TTN: variants seen among roughly 807,000 people sequenced by gnomAD.
TTN encodes connectin.
TTN carries 1,525 observed loss-of-function variants against 3,223.0 expected under a neutral mutation model. That is an observed-to-expected ratio of 0.47 (90% CI 0.45 to 0.49). The LOEUF is 0.49. Ranked by LOEUF, TTN falls within the 20% of genes least tolerant of loss-of-function variation. TTN has a pLI of 0.00. For synonymous variants in TTN, 14,094 were observed against 15,161.0 expected (o/e 0.93, Z 5.17); for missense variants, 40,786 against 43,424.0 (o/e 0.94, Z 5.40).
At position 178,722,716 on chromosome 2, in the gene TTN, A is replaced by G; in HGVS notation, c.22183T>C (p.Cys7395Arg). The G allele has an allele frequency of 1.2e-6, 2 of 1,613,208 alleles. No individual in the cohort carries two copies. Among genetic ancestry groups the G allele is most frequent in the Non-Finnish European group, 8.5e-7 (1 of 1,179,482 alleles). Residue 7395 changes from cysteine (C) to arginine (R), a missense_variant, in exon 76 of 363, where the codon TGC becomes CGC. Coordinates refer to ENST00000589042, the MANE Select transcript of TTN (RefSeq NM_001267550.2). Reference protein sequence around the residue: ...VNINDSGEYTCKAENSIGTAS... With the variant: ...VNINDSGEYTRKAENSIGTAS... ...GTTCCTATACTATTTTCTGCTTTGC[A>G]TGTGTACTCTCCACTGTCATTGATG...
chr2:178,734,652 T>A (rs1166141559), intron 51 of TTN, 46 bp from the exon 52 acceptor site: 3 of 1,565,880 alleles, frequency 1.9e-6, no homozygotes, highest in Non-Finnish European at 2.6e-6. Flanking sequence ...TAATAAGTAA[T>A]TAAAAGGGAA....
At position 178,699,584 on chromosome 2, in the gene TTN, TG is replaced by T. The variant is rs370276329; in HGVS notation, c.30683-671del. ...CCGCCACCGCGCCCGGCTAATTTTT[TG>T]TATTTTTAGTAGAGACGGGGTTTCA... On this transcript the variant is annotated intron_variant, in intron 111 of 362. Coordinates refer to ENST00000589042, the MANE Select transcript of TTN (RefSeq NM_001267550.2). 4.8e-4 allele frequency among the ~76,000 whole-genome samples: 71 copies of T among 146,860 alleles called. 1 individual carries two copies. The South Asian group carries it at 0.016, about 33-fold the overall frequency.
intron 20 of TTN, 33 bp from the exon 21 acceptor site, chr2:178,781,296 T>C (rs1476613819): frequency 1.9e-6 from 3 of 1,612,116 alleles, no homozygotes; most frequent in African/African-American, 1.3e-5. Flanking sequence ...TAAAAATCAG[T>C]TATCAACAAC....
rs750715335 is a variant in TTN at position 178,608,216 on chromosome 2, C to T, written c.52667G>A (p.Ser17556Asn). Residue 17556 changes from serine (S) to asparagine (N), a missense_variant, in exon 275 of 363, where the codon AGT (serine) becomes AAT (asparagine). Physicochemically the swap from Ser to Asn is conservative, Grantham distance 46. Transcript: ENST00000589042. ...AENAAGPGKF[S>N]PPSDPKTAHD... ...TGCTGTTTTGGGATCTGAAGGTGGA[C>T]TGAACTTTCCAGGTCCAGCTGCATT... is the stretch of plus-strand genomic sequence containing the variant. 9.3e-6 allele frequency: 15 copies of T among 1,604,532 alleles called. No homozygotes were observed. The highest frequency in any genetic ancestry group is 1.2e-5 in the Non-Finnish European group (14 of 1,174,808).
At chr2:178,744,446 C>T (rs1426503041) in intron 47 of TTN, 2 of 922,178 alleles carry the variant, frequency 2.2e-6, no homozygotes, top group East Asian at 2.4e-4. Context: ...GACTTGGGTC[C>T]ACATTAGTAT....
rs1294040369 is a variant in TTN, at chr2:178,559,577, A to G, written c.86555T>C (p.Ile28852Thr). 2.5e-6 allele frequency: 4 copies of G among 1,613,738 alleles called. No individual in the cohort carries two copies. Among genetic ancestry groups the G allele is most frequent in the Non-Finnish European group, 2.5e-6 (3 of 1,179,782 alleles). The change falls in exon 326 of 363, where the codon ATT becomes ACT. Residue 28852 changes from isoleucine (I) to threonine (T), a missense_variant. Coordinates refer to ENST00000589042, the MANE Select transcript of TTN (RefSeq NM_001267550.2). ...CTCTTTGGTTACATCTTGCACAGTA[A>G]TGTTGGTTGGAGGACCTGGGGTATC... ...VLDTPGPPTN[I>T]TVQDVTKESA... is the part of the protein sequence containing the mutation.
In TTN at chr2:178,733,044, A is replaced by G; in HGVS notation, c.16132T>C (p.Cys5378Arg). 1 of 1,613,444 alleles carries G rather than the reference A, an allele frequency of 6.2e-7. No homozygotes were observed. Among genetic ancestry groups the G allele is most frequent in the Non-Finnish European group, 8.5e-7 (1 of 1,179,652 alleles). The change falls in exon 55 of 363, where the codon TGC becomes CGC. Residue 5378 changes from cysteine (C) to arginine (R), a missense_variant. Transcript: ENST00000589042. ...SVVNGTCRLD[C>R]KIAGSLPMRV... ...ATGGGGAGGGAGCCTGCAATTTTGC[A>G]GTCCAGTCTGCAGGTACCATTAACA...
At chr2:178,580,884 T>C (rs1043445020) in intron 316 of TTN, 4 of 348,858 alleles carry the variant, frequency 1.1e-5, no homozygotes, top group Non-Finnish European at 2.0e-5. Flanking sequence ...ATGCTACATA[T>C]ATTAAAAGGA....
In TTN at chr2:178,551,029, G is replaced by A. The variant is rs1299510786; in HGVS notation, c.91502C>T (p.Ala30501Val). 2 of 1,613,404 alleles carry A rather than the reference G, an allele frequency of 1.2e-6. No individual in the cohort carries two copies. Among genetic ancestry groups the A allele is most frequent in the East Asian group, 2.2e-5 (1 of 44,790 alleles). ...TGAGGGCGGGCTTATAGTTCCAACAGCATTTCTTGCAATTATTCTGAACTC... is the reference window on the plus strand; with the variant it reads ...TGAGGGCGGGCTTATAGTTCCAACAACATTTCTTGCAATTATTCTGAACTC... The part of the protein sequence containing the change: ...RYEFRIIARN[A>V]VGTISPPSQS... The change falls in exon 336 of 363, where the codon GCT becomes GTT. Residue 30501 changes from alanine to valine, a missense_variant. By Grantham distance (64) the Ala-to-Val change is moderately conservative (BLOSUM62 0). Coordinates refer to ENST00000589042, the MANE Select transcript of TTN (RefSeq NM_001267550.2).
chr2:178,735,473 A>C (rs746220657), intron 50 of TTN, 38 bp downstream of exon 50: 1 of 1,501,100 alleles, frequency 6.7e-7, no homozygotes, highest in Admixed American at 2.4e-5. Flanking sequence ...GATTCCTTGC[A>C]GAGAAGGGAC....
intron 217 of TTN, 33 bp from the exon 218 acceptor site, chr2:178,644,649 G>T: frequency 6.8e-7 from 1 of 1,469,882 alleles, no homozygotes; most frequent in Non-Finnish European, 9.1e-7. Flanking sequence ...TTTGTTATTT[G>T]TATATTTAAT....
chr2:178,605,320 C>T (rs2303833), intron 279 of TTN, 25 bp from the exon 280 acceptor site: 1 of 1,541,632 alleles, frequency 6.5e-7, no homozygotes, highest in Non-Finnish European at 8.7e-7. Context: ...GAAAGAAAAA[C>T]AGTAACAAAG....
In TTN at chr2:178,563,527, G is replaced by A. The variant is rs772246177; in HGVS notation, c.82605C>T (p.Thr27535=). The change falls in exon 326 of 363, where the codon ACC becomes ACT. Residue 27535 remains threonine, a synonymous_variant. Transcript: ENST00000589042. This position sits in a 1 kb window ranked among gnomAD's most constrained non-coding sequence, Gnocchi z 4.5. Reference sequence around the variant, plus strand: ...CTCTGAATTCATAGGAATGGCCTTCGGTAAGACCAGTTACCCTGAGCCGCA... The same window carrying A: ...CTCTGAATTCATAGGAATGGCCTTCAGTAAGACCAGTTACCCTGAGCCGCA... ...TDLRLRVTGL[T]EGHSYEFRVA... The A allele has an allele frequency of 1.2e-5, 19 of 1,613,578 alleles. No homozygotes were observed. Among genetic ancestry groups the A allele is most frequent in the Non-Finnish European group, 1.5e-5 (18 of 1,179,750 alleles).
chr2:178,778,077 A>G, intron 24 of TTN, 102 bp from the exon 25 acceptor site: 1 of 1,465,848 alleles, frequency 6.8e-7, no homozygotes, highest in Non-Finnish European at 9.2e-7. Context: ...TTTAGAATTT[A>G]CTTCTTGCAC....
At position 178,537,580 on chromosome 2, in the gene TTN, A is replaced by G; in HGVS notation, c.99627T>C (p.Ala33209=). Residue 33209 remains alanine (A), a synonymous_variant, in exon 355 of 363, where the codon GCT becomes GCC. Transcript: ENST00000589042. ...CATGAAGCCGAAGTGTGGAACCCAC[A>G]GCTCCATAATATTTCTCTTTCAGTG... ...GYPLKEKYYG[A]VGSTLRLHVM... is the part of the protein sequence containing the mutation. 1 of 1,613,792 alleles carries G rather than the reference A, an allele frequency of 6.2e-7. No individual in the cohort carries two copies. Among genetic ancestry groups the G allele is most frequent in the Non-Finnish European group, 8.5e-7 (1 of 1,179,764 alleles).
rs192601158 is a variant in TTN at position 178,717,889 on chromosome 2, C to T, written c.25063+54G>A. On this transcript the variant is annotated intron_variant, in intron 86 of 362. Coordinates refer to ENST00000589042, the MANE Select transcript of TTN (RefSeq NM_001267550.2). ...ATATTTCAATTCATAAAAGTTTTAA[C>T]GTTTTTAAGAAAATGAATCTGTTCA... is the stretch of plus-strand genomic sequence containing the variant. 5.7e-6 allele frequency: 9 copies of T among 1,573,802 alleles called. No individual in the cohort carries two copies. The East Asian group carries it at 9.0e-5, about 16-fold the overall frequency.
rs2055441227 is a variant in TTN, at chr2:178,608,397, C to A, written c.52486G>T (p.Asp17496Tyr). 6.2e-7 allele frequency: 1 copy of A among 1,610,486 alleles called. No homozygotes were observed. The highest frequency in any genetic ancestry group is 8.5e-7 in the Non-Finnish European group (1 of 1,178,224). The change falls in exon 275 of 363, where the codon GAT becomes TAT. Residue 17496 changes from aspartate (D) to tyrosine (Y), a missense_variant. Physicochemically the swap from Asp to Tyr is radical, Grantham distance 160. Transcript: ENST00000589042. ...SMLVKWNEPK[D>Y]NGSPILGYWL... ...TAACCCAAAATGGGGCTTCCATTAT[C>A]TTTTGGTTCATTCCATTTCACTAGC...
intron 255 of TTN, 24 bp from the exon 256 acceptor site, chr2:178,617,037 G>A (rs1352587498): frequency 1.2e-6 from 2 of 1,611,848 alleles, no homozygotes; most frequent in South Asian, 1.1e-5. Context: ...AAGTTAATGA[G>A]TTTGCAGTGC....
chr2:178,679,227 A>G (rs994954960), intron 142 of TTN, 112 bp downstream of exon 142: 6 of 1,126,040 alleles, frequency 5.3e-6, no homozygotes, highest in Non-Finnish European at 7.9e-6. Context: ...GGCGCTTGTC[A>G]TGGCATTAAT....
Sources: allele counts gnomAD v4.1 joint callset (sites outside exome capture counted in the v4.1 genomes callset), GRCh38; gene constraint gnomAD v4.1.1; non-coding constraint Gnocchi (gnomAD v3.1); transcripts MANE v1.5; gene names NCBI Gene and HGNC (gene_info 2026-07-23, HGNC 2026-07-21).